FAM81A: variants seen among roughly 807,000 people sequenced by gnomAD.
FAM81A encodes the protein family with sequence similarity 81 member A, also known as protein FAM81A.
FAM81A carries 19 observed loss-of-function variants against 46.7 expected under a neutral mutation model. That is an observed-to-expected ratio of 0.41 (90% CI 0.28 to 0.60). The LOEUF (loss-of-function observed/expected upper bound fraction) is 0.60, where lower values mean the gene tolerates loss of function less well. Among genes scored for constraint, FAM81A ranks in the 20% least tolerant of loss-of-function variants. The pLI, the probability that FAM81A is intolerant of heterozygous loss-of-function variation, is 0.34. For synonymous variants in FAM81A, 183 were observed against 152.9 expected, an observed-to-expected ratio of 1.20 and a Z score of -1.45; for missense variants, 377 against 453.5, an observed-to-expected ratio of 0.83 and a Z score of 1.53.
intron 8 of FAM81A, 146 bp from the exon 9 acceptor site, chr15:59,521,108 A>G: frequency 1.2e-6 from 1 of 863,206 alleles, no homozygotes; most frequent in Non-Finnish European, 1.7e-6. Flanking sequence ...CTAGAAACTC[A>G]CCTGTTCCCC....
intron 6 of FAM81A, among the ~76,000 whole-genome samples, chr15:59,511,474 A>G (rs2082207514): frequency 6.6e-6 from 1 of 152,206 alleles, no homozygotes; most frequent in Non-Finnish European, 1.5e-5. Flanking sequence ...AAGTGTTAGC[A>G]AGGATGTGGG....
At chr15:59,490,188 T>C (rs1264122982) in intron 3 of FAM81A, among the ~76,000 whole-genome samples, 2 of 151,298 alleles carry the variant, frequency 1.3e-5, no homozygotes, top group African/African-American at 2.4e-5. Context: ...ATAAACTCTC[T>C]AGGACATTGG....
At chr15:59,412,866 T>C (rs1262208486) in intron 2 of FAM81A, among the ~76,000 whole-genome samples, 2 of 152,160 alleles carry the variant, frequency 1.3e-5, no homozygotes, top group Non-Finnish European at 2.9e-5. Flanking sequence ...TTTCCTCTGT[T>C]GACATTAAAA....
At chr15:59,410,555 A>T (rs1336813966) in intron 2 of FAM81A, among the ~76,000 whole-genome samples, 1 of 150,698 alleles carries the variant, frequency 6.6e-6, no homozygotes, top group African/African-American at 2.4e-5. Flanking sequence ...GAAAAAAACC[A>T]GAGTGACTGA....
chr15:59,522,570 C>T lies in FAM81A; in HGVS notation c.*1192C>T, dbSNP rs546769050. On this transcript the variant is annotated 3_prime_UTR_variant, in exon 9 of 9. Transcript: ENST00000288228. Reference sequence around the variant, plus strand: ...AGATGATGGGTGTTTTATTTTCAATCGCCATATTTGATCAGTCATTGAAAA... The same window carrying T: ...AGATGATGGGTGTTTTATTTTCAATTGCCATATTTGATCAGTCATTGAAAA... 27 of 152,276 alleles carry T rather than the reference C, an allele frequency of 1.8e-4. No homozygotes were observed. Among genetic ancestry groups the T allele is most frequent in the Admixed American group, 1.5e-3 (23 of 15,296 alleles). The allele number at this position is 152,276 out of a possible 1,614,324, so 9.4% of individuals were successfully genotyped here.
At chr15:59,459,373 T>G in intron 2 of FAM81A, among the ~76,000 whole-genome samples, 1 of 152,190 alleles carries the variant, frequency 6.6e-6, no homozygotes, top group East Asian at 1.9e-4. Flanking sequence ...TTTGCTAGCT[T>G]TTCTTGAGAA....
At chr15:59,512,741 G>A (rs1387190846) in intron 6 of FAM81A, among the ~76,000 whole-genome samples, 2 of 152,150 alleles carry the variant, frequency 1.3e-5, no homozygotes, top group African/African-American at 4.8e-5. Flanking sequence ...TGGTCCAGAG[G>A]AGACAGGCAG....
chr15:59,483,577 T>A (rs2081881224), intron 3 of FAM81A, among the ~76,000 whole-genome samples: 1 of 152,194 alleles, frequency 6.6e-6, no homozygotes, highest in African/African-American at 2.4e-5. Context: ...GCTTTCCTAT[T>A]CATTTCCAAA....
intron 2 of FAM81A, among the ~76,000 whole-genome samples, chr15:59,411,756 A>G (rs181254678): frequency 9.6e-4 from 146 of 152,206 alleles, no homozygotes; most frequent in African/African-American, 3.2e-3. Flanking sequence ...TCTCTACTAA[A>G]AATACAAAAA....
At chr15:59,457,824 AG>A (rs1266493547) in intron 1 of FAM81A, among the ~76,000 whole-genome samples, 2 of 152,224 alleles carry the variant, frequency 1.3e-5, no homozygotes, top group African/African-American at 4.8e-5. Context: ...GATCATAGTT[AG>A]TAGGCATTCA....
intron 6 of FAM81A, among the ~76,000 whole-genome samples, chr15:59,513,879 TG>T (rs2082239334): frequency 6.6e-6 from 1 of 152,222 alleles, no homozygotes; most frequent in Non-Finnish European, 1.5e-5. Context: ...TTATATAGCA[TG>T]GAATACTGTG....
At chr15:59,475,951 C>T (rs2081761525) in intron 3 of FAM81A, among the ~76,000 whole-genome samples, 1 of 152,136 alleles carries the variant, frequency 6.6e-6, no homozygotes, top group South Asian at 2.1e-4. Flanking sequence ...GACTGGGTAG[C>T]TTAAACAACA....
intron 3 of FAM81A, among the ~76,000 whole-genome samples, chr15:59,478,416 G>C (rs1328483781): frequency 6.6e-6 from 1 of 152,156 alleles, no homozygotes; most frequent in Non-Finnish European, 1.5e-5. Flanking sequence ...GTGCAGCATT[G>C]GGCTTTACTA....
intron 1 of FAM81A, among the ~76,000 whole-genome samples, chr15:59,455,163 A>C (rs2081468441): frequency 1.3e-5 from 2 of 151,850 alleles, no homozygotes; most frequent in South Asian, 2.1e-4. Context: ...AACCTCCCAA[A>C]GTGCTGAGAT....
rs181088682 is a variant in FAM81A at position 59,418,510 on chromosome 15, G to T, written c.-78+16152G>T. On this transcript the variant is annotated intron_variant, in intron 2 of 4. Transcript: ENST00000558348. ...AAGTTTAGAAAGGGTGTTAGAATCTGGTCTAATCAATAGCTCGATCCAGGT... is the reference window on the plus strand; with the variant it reads ...AAGTTTAGAAAGGGTGTTAGAATCTTGTCTAATCAATAGCTCGATCCAGGT... Among the ~76,000 whole-genome samples, 18 of 152,276 alleles carry T rather than the reference G, an allele frequency of 1.2e-4. 1 individual carries two copies. The highest frequency in any genetic ancestry group is 1.3e-4 in the Admixed American group (2 of 15,302).
chr15:59,404,523 C>T (rs774328584), intron 2 of FAM81A, among the ~76,000 whole-genome samples: 5 of 152,082 alleles, frequency 3.3e-5, no homozygotes, highest in African/African-American at 1.2e-4. Flanking sequence ...AGCAGTGGAG[C>T]GACCATAGCT....
At chr15:59,433,712 C>G (rs761777014), upstream of FAM81A, among the ~76,000 whole-genome samples, 89 of 152,164 alleles carry the variant, frequency 5.8e-4, no homozygotes, top group Non-Finnish European at 1.1e-3. Flanking sequence ...CGATAAAGAA[C>G]AGCCATAAAG....
At chr15:59,502,563 G>T (rs1172707410) in intron 4 of FAM81A, among the ~76,000 whole-genome samples, 2 of 151,574 alleles carry the variant, frequency 1.3e-5, no homozygotes, top group South Asian at 2.1e-4. Context: ...GCCTATGCTG[G>T]AGTGCAATGG....
intron 2 of FAM81A, among the ~76,000 whole-genome samples, chr15:59,429,504 G>T (rs2081210308): frequency 6.6e-6 from 1 of 152,070 alleles, no homozygotes. Flanking sequence ...CTTAATAAAA[G>T]GAAAGCTGAT....
Sources: allele counts gnomAD v4.1 joint callset (sites outside exome capture counted in the v4.1 genomes callset), GRCh38; gene constraint gnomAD v4.1.1; transcripts MANE v1.5; gene names NCBI Gene and HGNC (gene_info 2026-07-23, HGNC 2026-07-21).